Variants in SLMAP observed in about 807,000 individuals in gnomAD.
SLMAP encodes sarcolemmal membrane-associated protein.
In SLMAP, 44 loss-of-function variants were observed where a neutral mutation model predicts 128.8. That is an observed-to-expected ratio of 0.34 (90% CI 0.27 to 0.44). SLMAP has a LOEUF of 0.44. Ranked by LOEUF, SLMAP falls within the 20% of genes least tolerant of loss-of-function variation. SLMAP has a pLI of 1.00. For synonymous variants in SLMAP, 327 were observed against 348.8 expected (o/e 0.94, Z 0.70); for missense variants, 787 against 985.3 (o/e 0.80, Z 2.69).
intron 6 of SLMAP, among the ~76,000 whole-genome samples, chr3:57,852,129 C>T (rs546690836): frequency 7.9e-4 from 119 of 151,374 alleles, no homozygotes; most frequent in African/African-American, 2.8e-3. Context: ...CCAGGATGGT[C>T]TCCAATCTCC....
intron 2 of SLMAP, among the ~76,000 whole-genome samples, chr3:57,809,415 C>G (rs2090520553): frequency 1.3e-5 from 2 of 152,216 alleles, no homozygotes; most frequent in Non-Finnish European, 2.9e-5. Flanking sequence ...GACATACCAG[C>G]CTCCTGTCAC....
intron 2 of SLMAP, among the ~76,000 whole-genome samples, chr3:57,793,627 C>G (rs560754411): frequency 6.6e-6 from 1 of 152,248 alleles, no homozygotes; most frequent in South Asian, 2.1e-4. Context: ...CATACATTTC[C>G]AGAGTATTCT....
intron 2 of SLMAP, among the ~76,000 whole-genome samples, chr3:57,773,556 A>G (rs1387020816): frequency 6.6e-6 from 1 of 152,192 alleles, no homozygotes; most frequent in Non-Finnish European, 1.5e-5. Flanking sequence ...TCAAGGCATA[A>G]ACTTTGGGGG....
At chr3:57,850,616 G>T (rs1391728554) in intron 6 of SLMAP, among the ~76,000 whole-genome samples, 1 of 151,838 alleles carries the variant, frequency 6.6e-6, no homozygotes, top group Non-Finnish European at 1.5e-5. Context: ...GATGACTTTT[G>T]TTTTGTTTTA....
intron 6 of SLMAP, among the ~76,000 whole-genome samples, chr3:57,853,514 G>C (rs1430556254): frequency 6.6e-6 from 1 of 152,104 alleles, no homozygotes; most frequent in South Asian, 2.1e-4. Context: ...GGTGAAGAAG[G>C]TATGCCAAAA....
In SLMAP at chr3:57,916,980, A is replaced by T. The variant is rs754097857; in HGVS notation, c.2213A>T (p.Gln738Leu). The stretch of plus-strand genomic sequence containing the variant: ...ATGTCTAGGAAAGAACTTGAGAATC[A>T]AGTGGGATCCTTGAAAGAACAGCAT... ...LQMSRKELEN[Q>L]VGSLKEQHLR... Residue 738 changes from glutamine (Q) to leucine (L), a missense_variant, in exon 22 of 25, where the codon CAA becomes CTA. By Grantham distance (113) the Gln-to-Leu change is moderately radical. This residue lies in a region of SLMAP where 715 missense variants were observed against 843.6 expected (regional missense o/e 0.85). Coordinates refer to ENST00000671191, the MANE Select transcript of SLMAP (RefSeq NM_001377540.1). 15 of 1,613,830 alleles carry T rather than the reference A, an allele frequency of 9.3e-6. No homozygotes were observed. The highest frequency in any genetic ancestry group is 1.2e-5 in the Non-Finnish European group (14 of 1,179,914).
chr3:57,764,780 A>C (rs2079348524), intron 2 of SLMAP, among the ~76,000 whole-genome samples: 1 of 152,202 alleles, frequency 6.6e-6, no homozygotes, highest in African/African-American at 2.4e-5. Flanking sequence ...TAGAATTGAG[A>C]TTTAAACTCA....
chr3:57,815,258 C>T (rs80183953), intron 2 of SLMAP, among the ~76,000 whole-genome samples: 267 of 152,266 alleles, frequency 1.8e-3, no homozygotes, highest in African/African-American at 6.0e-3. Flanking sequence ...AATGCTCACT[C>T]GCCCTCTGCT....
intron 2 of SLMAP, among the ~76,000 whole-genome samples, chr3:57,814,412 G>A (rs1048952688): frequency 6.6e-6 from 1 of 152,032 alleles, no homozygotes; most frequent in South Asian, 2.1e-4. Flanking sequence ...AATTGCTGAG[G>A]TTACAGGTGT....
At chr3:57,874,138 A>C (rs1004509314) in intron 14 of SLMAP, among the ~76,000 whole-genome samples, 1 of 152,042 alleles carries the variant, frequency 6.6e-6, no homozygotes, top group Non-Finnish European at 1.5e-5. Flanking sequence ...GCAACAACAA[A>C]AAAATTATCC....
rs766471550 is a variant in SLMAP, at chr3:57,848,480, C to T, written c.456+1247C>T. On this transcript the variant is annotated intron_variant, in intron 5 of 24. Transcript: ENST00000671191. The stretch of plus-strand genomic sequence containing the variant: ...CTTTCTTCTTACTCGTTTTTTTCTT[C>T]GTCCTCCCTCCTCCTACTTCCTTCT... 1.6e-4 allele frequency among the ~76,000 whole-genome samples: 24 copies of T among 148,054 alleles called. No homozygotes were observed. In the East Asian group the frequency reaches 4.4e-3, roughly 27 times the overall value.
chr3:57,872,870 C>T (rs2095515272), intron 14 of SLMAP, among the ~76,000 whole-genome samples: 1 of 152,184 alleles, frequency 6.6e-6, no homozygotes, highest in African/African-American at 2.4e-5. Context: ...GCATTCTTCT[C>T]ATTCTGCTCT....
intron 6 of SLMAP, among the ~76,000 whole-genome samples, chr3:57,854,082 T>TA (rs2094650064): frequency 1.6e-4 from 20 of 123,160 alleles, no homozygotes; most frequent in South Asian, 1.6e-3. Flanking sequence ...ATATATATAT[T>TA]ATGTGTAAAT....
At chr3:57,789,703 ACT>A (rs1346174531) in intron 2 of SLMAP, among the ~76,000 whole-genome samples, 2 of 152,018 alleles carry the variant, frequency 1.3e-5, no homozygotes, top group African/African-American at 4.8e-5. Context: ...AAATGTTAAA[ACT>A]CTGTAATTCA....
intron 21 of SLMAP, among the ~76,000 whole-genome samples, chr3:57,913,879 G>A (rs1298980691): frequency 6.6e-6 from 1 of 151,956 alleles, no homozygotes; most frequent in Admixed American, 6.6e-5. Flanking sequence ...AATTGCTTGG[G>A]CCCAGGAGGT....
chr3:57,911,802 AT>A (rs1441640587), intron 19 of SLMAP, among the ~76,000 whole-genome samples: 1 of 152,138 alleles, frequency 6.6e-6, no homozygotes, highest in Non-Finnish European at 1.5e-5. Context: ...CACATGAGTC[AT>A]CAGAAAAGGC....
chr3:57,832,891 G>A (rs549986067), intron 3 of SLMAP, among the ~76,000 whole-genome samples: 1 of 152,124 alleles, frequency 6.6e-6, no homozygotes, highest in Non-Finnish European at 1.5e-5. Context: ...TTTTGGTAAA[G>A]AATATTGACA....
chr3:57,777,184 G>A (rs1576329138), intron 2 of SLMAP, among the ~76,000 whole-genome samples: 1 of 151,436 alleles, frequency 6.6e-6, no homozygotes, highest in Non-Finnish European at 1.5e-5. Context: ...CACCAGCAGG[G>A]CACATGTATA....
At position 57,916,825 on chromosome 3, in the gene SLMAP, G is replaced by A. The variant is rs192811466; in HGVS notation, c.2139-81G>A. 40 of 1,116,124 alleles carry A rather than the reference G, an allele frequency of 3.6e-5. 1 individual carries two copies. The highest frequency in any genetic ancestry group is 4.6e-5 in the Non-Finnish European group (35 of 761,698). The allele number at this position is 1,116,124 out of a possible 1,614,324, so 69.1% of individuals were successfully genotyped here. ...TCTGAAATCCACTCTATCCCTTCTA[G>A]TGAAATGTATAAGAAACTGGACTTC... On this transcript the variant is annotated intron_variant, in intron 21 of 24. Transcript: ENST00000671191.
Sources: gnomAD v4.1 joint callset for allele counts (sites outside exome capture counted in the v4.1 genomes callset) on GRCh38, gnomAD v4.1.1 for gene constraint, gnomAD v4.1.1 regional missense constraint, MANE v1.5 for transcripts, NCBI Gene and HGNC (gene_info 2026-07-23, HGNC 2026-07-21) for gene names.